ZNF438: variants seen among roughly 807,000 people sequenced by gnomAD.
ZNF438 encodes zinc finger protein 438.
In ZNF438, 25 loss-of-function variants were observed where a neutral mutation model predicts 38.0. The ratio of observed to expected loss-of-function variants is 0.66; its 90% CI spans 0.48 to 0.92. The LOEUF is 0.92. Ranked by LOEUF, ZNF438 falls within the 40% of genes least tolerant of loss-of-function variation. The pLI is 0.00. For missense variants in ZNF438, 1,007 were observed against 999.6 expected, an observed-to-expected ratio of 1.01 and a Z score of -0.10; for synonymous variants, 372 against 364.1, an observed-to-expected ratio of 1.02 and a Z score of -0.25.
upstream of ZNF438, among the ~76,000 whole-genome samples, chr10:31,032,263 C>T (rs544865019): frequency 1.1e-3 from 170 of 152,224 alleles, no homozygotes; most frequent in Non-Finnish European, 1.7e-3. Context: ...TGCCCGCCTT[C>T]CTCACGTGTT....
chr10:30,924,434 A>G (rs180746519), intron 2 of ZNF438, among the ~76,000 whole-genome samples: 1 of 152,288 alleles, frequency 6.6e-6, no homozygotes, highest in Admixed American at 6.5e-5. Flanking sequence ...GGGGTGCGGC[A>G]TTTCCTTGTT....
chr10:30,949,375 G>C (rs2047873842), intron 1 of ZNF438, among the ~76,000 whole-genome samples: 2 of 152,114 alleles, frequency 1.3e-5, no homozygotes, highest in South Asian at 4.1e-4. Context: ...ACATCATCAT[G>C]ACAGGATCAA....
chr10:30,891,759 A>C (rs562969457), intron 3 of ZNF438, among the ~76,000 whole-genome samples: 1 of 152,236 alleles, frequency 6.6e-6, no homozygotes, highest in Non-Finnish European at 1.5e-5. Context: ...TTTGTGGCAA[A>C]TTTTAACAAA....
Position 30,998,321 on chromosome 10 carries a change from A to G in ZNF438, c.-192+33512T>C, listed in dbSNP as rs199948463. On this transcript the variant is annotated intron_variant, in intron 1 of 5. Transcript: ENST00000413025. ...TTTGGGAGGCCGAGGCGGGTGGATC[A>G]TGAGGTCAGGAGTTTGAGACCATCC... Among the ~76,000 whole-genome samples the G allele has an allele frequency of 5.3e-5, 8 of 151,950 alleles. No individual in the cohort carries two copies. The East Asian group carries it at 1.6e-3, about 29-fold the overall frequency.
chr10:31,005,027 G>A (rs377615083), intron 1 of ZNF438, among the ~76,000 whole-genome samples: 2 of 152,108 alleles, frequency 1.3e-5, no homozygotes, highest in East Asian at 3.9e-4. Context: ...AGATCAGTGC[G>A]GCCACTGTGA....
chr10:30,966,889 C>T (rs533310092), intron 1 of ZNF438, among the ~76,000 whole-genome samples: 1 of 152,066 alleles, frequency 6.6e-6, no homozygotes, highest in Admixed American at 6.5e-5. Context: ...TTGCTTAGAG[C>T]AATGCAGACA....
intron 1 of ZNF438, among the ~76,000 whole-genome samples, chr10:31,026,230 C>T (rs1049180896): frequency 9.2e-5 from 14 of 152,050 alleles, no homozygotes; most frequent in African/African-American, 2.2e-4. Context: ...AAAGCCAAAA[C>T]TGACAAATGG....
intron 3 of ZNF438, among the ~76,000 whole-genome samples, chr10:30,897,158 A>T (rs544695527): frequency 6.6e-6 from 1 of 152,298 alleles, no homozygotes; most frequent in East Asian, 1.9e-4. Context: ...TCTTCTTAGC[A>T]TATGTCTTTT....
At chr10:30,870,286 G>C (rs1358842262) in intron 4 of ZNF438, among the ~76,000 whole-genome samples, 1 of 151,396 alleles carries the variant, frequency 6.6e-6, no homozygotes, top group Non-Finnish European at 1.5e-5. Context: ...GTCATTCATG[G>C]ACATGTGTGG....
chr10:30,873,232 C>T (rs569588777), intron 4 of ZNF438, among the ~76,000 whole-genome samples: 35 of 152,122 alleles, frequency 2.3e-4, no homozygotes, highest in South Asian at 1.5e-3. Flanking sequence ...AAAATTGTAA[C>T]AAAATAAGTC....
chr10:30,897,139 A>G (rs1226167149), intron 3 of ZNF438, among the ~76,000 whole-genome samples: 1 of 152,230 alleles, frequency 6.6e-6, no homozygotes, highest in African/African-American at 2.4e-5. Context: ...GTACTCTGGT[A>G]AAGGAATATC....
chr10:30,947,707 G>A (rs1458259113), intron 1 of ZNF438, among the ~76,000 whole-genome samples: 4 of 152,248 alleles, frequency 2.6e-5, no homozygotes, highest in African/African-American at 4.8e-5. Context: ...TCCGAGCCAG[G>A]TGTGGGATAT....
chr10:30,945,169 A>G (rs953393770), intron 1 of ZNF438, among the ~76,000 whole-genome samples: 6 of 151,814 alleles, frequency 4.0e-5, no homozygotes, highest in African/African-American at 1.4e-4. Flanking sequence ...TGTTCTGTCC[A>G]TTATTGCTTC....
chr10:30,955,051 G>A (rs1333949768), intron 1 of ZNF438, among the ~76,000 whole-genome samples: 1 of 152,150 alleles, frequency 6.6e-6, no homozygotes, highest in Non-Finnish European at 1.5e-5. Context: ...CCCTATTTGT[G>A]AATGGGAATG....
chr10:30,890,687 A>G (rs1252603012), intron 3 of ZNF438, among the ~76,000 whole-genome samples: 1 of 152,234 alleles, frequency 6.6e-6, no homozygotes, highest in African/African-American at 2.4e-5. Context: ...ATCTAAAAAA[A>G]TTCAAGTCAA....
chr10:30,982,848 T>C (rs1220228352), intron 1 of ZNF438, among the ~76,000 whole-genome samples: 1 of 152,224 alleles, frequency 6.6e-6, no homozygotes, highest in Non-Finnish European at 1.5e-5. Context: ...AAACTGAGAA[T>C]TTCTATTATC....
chr10:30,913,855 A>C, intron 2 of ZNF438, among the ~76,000 whole-genome samples: 1 of 152,154 alleles, frequency 6.6e-6, no homozygotes, highest in Admixed American at 6.6e-5. Context: ...GAGTTAGGGA[A>C]TAGAATGTTC....
intron 1 of ZNF438, among the ~76,000 whole-genome samples, chr10:31,029,827 G>C (rs1776618): frequency 6.6e-6 from 1 of 152,084 alleles, no homozygotes; most frequent in Admixed American, 6.5e-5. Context: ...CCCCGTTCCC[G>C]GCTGTGCTCT....
At chr10:30,902,142 AT>A (rs1296979979) in intron 3 of ZNF438, among the ~76,000 whole-genome samples, 1 of 152,142 alleles carries the variant, frequency 6.6e-6, no homozygotes, top group Non-Finnish European at 1.5e-5. Flanking sequence ...GAGGGTTGCC[AT>A]GGCTGGGACT....
Sources: allele counts gnomAD v4.1 joint callset (sites outside exome capture counted in the v4.1 genomes callset), GRCh38; gene constraint gnomAD v4.1.1; transcripts MANE v1.5; gene names NCBI Gene and HGNC (gene_info 2026-07-23, HGNC 2026-07-21).